RETREG1: variants seen among roughly 807,000 people sequenced by gnomAD.
RETREG1 encodes family with sequence similarity 134 member B.
A neutral mutation model predicts 54.8 loss-of-function variants in RETREG1; 44 were observed. The ratio of observed to expected loss-of-function variants is 0.80; its 90% CI spans 0.63 to 1.03. RETREG1 has a LOEUF of 1.03. Among genes scored for constraint, RETREG1 ranks in the 50% least tolerant of loss-of-function variants. The probability of loss-of-function intolerance (pLI) is 0.00; values close to 1 mark genes in which losing one functional copy is unlikely to be tolerated. For synonymous variants in RETREG1, 217 were observed against 238.5 expected (o/e 0.91, Z 0.83); for missense variants, 554 against 605.1 (o/e 0.92, Z 0.89).
At chr5:16,572,840 C>G (rs1184863665) in intron 1 of RETREG1, among the ~76,000 whole-genome samples, 2 of 152,016 alleles carry the variant, frequency 1.3e-5, no homozygotes, top group Non-Finnish European at 2.9e-5. Context: ...CTTGTGTTTT[C>G]ATTTACGCCC....
At chr5:16,565,282 A>G (rs1439486686) in intron 3 of RETREG1, among the ~76,000 whole-genome samples, 1 of 152,154 alleles carries the variant, frequency 6.6e-6, no homozygotes, top group Non-Finnish European at 1.5e-5. Flanking sequence ...GGCAGTCAGC[A>G]TCTCCTGCAC....
intron 2 of RETREG1, among the ~76,000 whole-genome samples, chr5:16,567,013 A>C (rs1742030696): frequency 6.6e-6 from 1 of 152,262 alleles, no homozygotes; most frequent in African/African-American, 2.4e-5. Context: ...ATGATGGTAT[A>C]GGATGGGCAT....
chr5:16,488,109 C>G (rs971373367), intron 3 of RETREG1, among the ~76,000 whole-genome samples: 1 of 152,122 alleles, frequency 6.6e-6, no homozygotes, highest in Non-Finnish European at 1.5e-5. Context: ...TGTGTCTTAC[C>G]TTAAGAGTCA....
chr5:16,493,973 G>A (rs550736404), intron 3 of RETREG1, among the ~76,000 whole-genome samples: 1 of 152,268 alleles, frequency 6.6e-6, no homozygotes, highest in South Asian at 2.1e-4. Context: ...GGCAAACTTG[G>A]AGTGACTATC....
chr5:16,554,443 G>T (rs534838364), intron 3 of RETREG1, among the ~76,000 whole-genome samples: 1 of 152,298 alleles, frequency 6.6e-6, no homozygotes, highest in Admixed American at 6.5e-5. Flanking sequence ...CAGAGTGCTG[G>T]TTGTCACCTC....
chr5:16,513,650 C>T (rs570682564), intron 3 of RETREG1, among the ~76,000 whole-genome samples: 4 of 152,230 alleles, frequency 2.6e-5, no homozygotes, highest in Non-Finnish European at 4.4e-5. Flanking sequence ...GTCTCTCAGA[C>T]AGAAGAAAGA....
intron 3 of RETREG1, among the ~76,000 whole-genome samples, chr5:16,542,488 T>A (rs1325966933): frequency 6.6e-6 from 1 of 152,154 alleles, no homozygotes. Context: ...ATAGAACCTG[T>A]TTTCCTCCAA....
chr5:16,608,922 T>C (rs1743267415), intron 1 of RETREG1, among the ~76,000 whole-genome samples: 1 of 152,244 alleles, frequency 6.6e-6, no homozygotes, highest in African/African-American at 2.4e-5. Context: ...CTCCTATTTT[T>C]CTTTAGAGAG....
Position 16,483,421 on chromosome 5 carries a change from A to AC in RETREG1, c.509dup (p.Cys170TrpfsTer20), listed in dbSNP as rs766913539. The AC allele has an allele frequency of 6.2e-7, 1 of 1,613,356 alleles. No homozygotes were observed. Among genetic ancestry groups the AC allele is most frequent in the Non-Finnish European group, 8.5e-7 (1 of 1,179,380 alleles). On this transcript the variant is annotated frameshift_variant, in exon 4 of 9. Coordinates refer to ENST00000306320, the MANE Select transcript of RETREG1 (RefSeq NM_001034850.3). LOFTEE classifies it high-confidence loss of function. ...TGAAATTCATCCATGATTCTGCAAT[A>AC]CAGTGGCTGAGCCTGGGTCTTTCAT...
At chr5:16,563,620 T>G (rs542278659) in intron 3 of RETREG1, among the ~76,000 whole-genome samples, 130 of 152,252 alleles carry the variant, frequency 8.5e-4, no homozygotes, top group African/African-American at 2.9e-3. Flanking sequence ...GCTCACCCTA[T>G]CCCAGTTCCT....
At chr5:16,572,176 G>T in intron 1 of RETREG1, 74 bp from the exon 2 acceptor site, 1 of 1,016,486 alleles carries the variant, frequency 9.8e-7, no homozygotes, top group Non-Finnish European at 1.5e-6. Context: ...TTTACTTCCT[G>T]CCACAGAAAC....
chr5:16,562,175 C>T lies in RETREG1; in HGVS notation c.458+3588G>A, dbSNP rs910740739. ...TAGTAAAAATACAAAATTAGCCAGG[C>T]GTGGTGGCACATGCTTATAATCCCA... On this transcript the variant is annotated intron_variant, in intron 3 of 8. Transcript: ENST00000306320. Among the ~76,000 whole-genome samples the T allele has an allele frequency of 9.9e-5, 15 of 152,134 alleles. No homozygotes were observed. The East Asian group carries it at 2.3e-3, about 24-fold the overall frequency.
chr5:16,616,933 T>A lies in RETREG1; in HGVS notation c.39A>T (p.Gly13=). The change falls in exon 1 of 9, where the codon GGA becomes GGT. Residue 13 remains glycine (G), a synonymous_variant. Coordinates refer to ENST00000306320, the MANE Select transcript of RETREG1 (RefSeq NM_001034850.3). ...GCTCCTCGGCGGCAGGAGCCGGGCA[T>A]CCCTCCTCGGCGTGCTCCGGAGGCG... ...SPAPPEHAEE[G]CPAPAAEEQA... is the part of the protein sequence containing the mutation. 6.8e-7 allele frequency: 1 copy of A among 1,474,600 alleles called. No homozygotes were observed. Among genetic ancestry groups the A allele is most frequent in the Non-Finnish European group, 8.9e-7 (1 of 1,119,606 alleles). The allele number at this position is 1,474,600 out of a possible 1,614,324, so 91.3% of individuals were successfully genotyped here. A position where few individuals can be genotyped will look rare whatever the true frequency, so the allele number is the denominator to read the frequency against.
At position 16,498,666 on chromosome 5, in the gene RETREG1, C is replaced by T. The variant is rs769680555; in HGVS notation, c.459-15194G>A. ...GGTCGAGGCTGCAGTGAGCCAAGATCGTGCCACTGCACTCCAGCCTGGGCA... is the reference window on the plus strand; with the variant it reads ...GGTCGAGGCTGCAGTGAGCCAAGATTGTGCCACTGCACTCCAGCCTGGGCA... On this transcript the variant is annotated intron_variant, in intron 3 of 8. Transcript: ENST00000306320. Among the ~76,000 whole-genome samples, 57 of 152,070 alleles carry T rather than the reference C, an allele frequency of 3.7e-4. 1 individual carries two copies. Among genetic ancestry groups the T allele is most frequent in the Admixed American group, 1.3e-3 (20 of 15,270 alleles).
intron 1 of RETREG1, among the ~76,000 whole-genome samples, chr5:16,582,207 T>G (rs1361492379): frequency 6.6e-6 from 1 of 152,206 alleles, no homozygotes; most frequent in African/African-American, 2.4e-5. Flanking sequence ...AAAGGTACAG[T>G]TCTCTAAATC....
rs879370720 is a variant in RETREG1, at chr5:16,538,703, C to CT, written c.458+27059dup. ...AGAAGAACAAATACATTCTTTCATTCTTTTTTTTTTTTTTTAATTGAGACG... is the reference window on the plus strand; with the variant it reads ...AGAAGAACAAATACATTCTTTCATTCTTTTTTTTTTTTTTTTAATTGAGACG... On this transcript the variant is annotated intron_variant, in intron 3 of 8. Coordinates refer to ENST00000306320, the MANE Select transcript of RETREG1 (RefSeq NM_001034850.3). Among the ~76,000 whole-genome samples the CT allele has an allele frequency of 5.0e-3, 710 of 143,336 alleles. 5 individuals are homozygous for CT. Among genetic ancestry groups the CT allele is most frequent in the African/African-American group, 0.015 (594 of 39,252 alleles). The allele number at this position is 143,336 out of a possible 152,430, so 94.0% of individuals were successfully genotyped here.
chr5:16,615,830 C>T (rs748419297), intron 1 of RETREG1: 9 of 152,208 alleles, frequency 5.9e-5, no homozygotes, highest in Non-Finnish European at 8.8e-5. Flanking sequence ...TCTGATTATT[C>T]TGCACTGTGT....
chr5:16,565,260 A>G (rs1479274052), intron 3 of RETREG1, among the ~76,000 whole-genome samples: 1 of 152,144 alleles, frequency 6.6e-6, no homozygotes, highest in African/African-American at 2.4e-5. Flanking sequence ...CTGGCTGGGC[A>G]AGGAGCCCAC....
chr5:16,597,296 G>A lies in RETREG1; in HGVS notation c.320+19356C>T, dbSNP rs1159815219. Among the ~76,000 whole-genome samples, 1 of 152,236 alleles carries A rather than the reference G, an allele frequency of 6.6e-6. No homozygotes were observed. Among genetic ancestry groups the A allele is most frequent in the Admixed American group, 6.5e-5 (1 of 15,288 alleles). The stretch of plus-strand genomic sequence containing the variant: ...CAGTTGTTATGTATATGGAGTAAGA[G>A]ACACTACAGGTGAACGGCCTAAAAT... On this transcript the variant is annotated intron_variant, in intron 1 of 8. Transcript: ENST00000306320. The surrounding 1 kb of genome is among the most constrained non-coding windows in gnomAD (Gnocchi z 4.3).
Sources: gnomAD v4.1 joint callset for allele counts (sites outside exome capture counted in the v4.1 genomes callset) on GRCh38, gnomAD v4.1.1 for gene constraint, Gnocchi (gnomAD v3.1) non-coding constraint, MANE v1.5 for transcripts, NCBI Gene and HGNC (gene_info 2026-07-23, HGNC 2026-07-21) for gene names.